PDE4D: variants seen among roughly 807,000 people sequenced by gnomAD.
The protein encoded by PDE4D is phosphodiesterase 4D.
In PDE4D, 24 loss-of-function variants were observed where a neutral mutation model predicts 87.4. That is an observed-to-expected ratio of 0.27 (90% CI 0.20 to 0.39). PDE4D has a LOEUF of 0.39. Ranked by LOEUF, PDE4D falls within the 10% of genes least tolerant of loss-of-function variation. The pLI is 1.00. For missense variants in PDE4D, 714 were observed against 1,041.0 expected (o/e 0.69, Z 4.32); for synonymous variants, 384 against 383.2 (o/e 1.00, Z -0.02).
At chr5:59,313,279 T>G (rs577953467) in intron 1 of PDE4D, among the ~76,000 whole-genome samples, 4 of 152,290 alleles carry the variant, frequency 2.6e-5, no homozygotes, top group African/African-American at 9.6e-5. Flanking sequence ...CCTCTAAAGA[T>G]TCACATCCCC....
intron 2 of PDE4D, among the ~76,000 whole-genome samples, chr5:60,078,436 A>G (rs1414959428): frequency 6.6e-6 from 1 of 152,102 alleles, no homozygotes; most frequent in African/African-American, 2.4e-5. Context: ...TCTTGTAAAA[A>G]AAACGGGATA....
intron 1 of PDE4D, among the ~76,000 whole-genome samples, chr5:59,404,404 A>G (rs1352697518): frequency 6.6e-6 from 1 of 151,712 alleles, no homozygotes; most frequent in Non-Finnish European, 1.5e-5. Context: ...CACACCTGCA[A>G]TCCATGCACT....
At chr5:59,608,047 G>A (rs969686565) in intron 1 of PDE4D, among the ~76,000 whole-genome samples, 5 of 152,112 alleles carry the variant, frequency 3.3e-5, no homozygotes, top group South Asian at 4.1e-4. Flanking sequence ...GACGATGAGT[G>A]CATAAAAATT....
At chr5:59,199,767 T>G (rs1407885890) in intron 2 of PDE4D, among the ~76,000 whole-genome samples, 2 of 152,064 alleles carry the variant, frequency 1.3e-5, no homozygotes, top group Non-Finnish European at 2.9e-5. Context: ...TCTAGACCCA[T>G]CTTCATAGAA....
At position 60,297,468 on chromosome 5, in the gene PDE4D, A is replaced by G. The variant is rs1753509317; in HGVS notation, c.-89-111781T>C. Among the ~76,000 whole-genome samples the G allele has an allele frequency of 2.6e-5, 4 of 152,334 alleles. No individual in the cohort carries two copies. In the Middle Eastern group the frequency reaches 0.01, roughly 389 times the overall value. ...ATTTAAAGGGTTTGAAGAAATAAGC[A>G]TTTACATGGAATTCAATATATCGAG... On this transcript the variant is annotated intron_variant, in intron 1 of 16. Transcript: ENST00000502484.
intron 2 of PDE4D, among the ~76,000 whole-genome samples, chr5:59,200,302 T>A (rs1331718979): frequency 7.3e-6 from 1 of 137,034 alleles, no homozygotes; most frequent in Admixed American, 6.9e-5. Context: ...TACATATGTG[T>A]ATGTACAGCT....
At position 59,680,020 on chromosome 5, in the gene PDE4D, T is replaced by C. The variant is rs1253425379; in HGVS notation, c.455+213148A>G. On this transcript the variant is annotated intron_variant, in intron 1 of 14. Coordinates refer to ENST00000340635, the MANE Select transcript of PDE4D (RefSeq NM_001104631.2). Reference sequence around the variant, plus strand: ...TAACTCCAAGTACGAAATACACTTTTACATTTGTGTTTCTAACTTAGCTTT... The same window carrying C: ...TAACTCCAAGTACGAAATACACTTTCACATTTGTGTTTCTAACTTAGCTTT... Among the ~76,000 whole-genome samples the C allele has an allele frequency of 5.3e-5, 8 of 152,278 alleles. No homozygotes were observed. The East Asian group carries it at 1.3e-3, about 26-fold the overall frequency.
chr5:60,230,060 G>T (rs1745617096), intron 1 of PDE4D, among the ~76,000 whole-genome samples: 1 of 152,052 alleles, frequency 6.6e-6, no homozygotes, highest in Admixed American at 6.6e-5. Flanking sequence ...CAAAAGAAAG[G>T]ACACATCAAA....
intron 1 of PDE4D, among the ~76,000 whole-genome samples, chr5:59,883,950 G>T (rs1749811188): frequency 6.6e-6 from 1 of 151,950 alleles, no homozygotes; most frequent in South Asian, 2.1e-4. Context: ...TAAGAAACAA[G>T]TGAAATACAA....
At chr5:60,331,976 G>A (rs1757339794) in intron 1 of PDE4D, among the ~76,000 whole-genome samples, 1 of 152,094 alleles carries the variant, frequency 6.6e-6, no homozygotes, top group Non-Finnish European at 1.5e-5. Context: ...AGGTCTTGAG[G>A]TGCTTGTTCA....
At chr5:59,701,832 G>A (rs1752617907) in intron 1 of PDE4D, among the ~76,000 whole-genome samples, 1 of 152,192 alleles carries the variant, frequency 6.6e-6, no homozygotes, top group African/African-American at 2.4e-5. Flanking sequence ...GTGAAAAACA[G>A]CTCAATTCCT....
intron 5 of PDE4D, among the ~76,000 whole-genome samples, chr5:59,081,267 T>C (rs1354717703): frequency 6.6e-6 from 1 of 152,104 alleles, no homozygotes; most frequent in African/African-American, 2.4e-5. Context: ...ACTACAAAAC[T>C]ATTAAGAGCA....
At chr5:60,483,857 A>G (rs1748922843) in intron 1 of PDE4D, among the ~76,000 whole-genome samples, 1 of 152,202 alleles carries the variant, frequency 6.6e-6, no homozygotes, top group African/African-American at 2.4e-5. Context: ...ATCTTTTAAA[A>G]AGGGTTCAAC....
At chr5:60,172,654 C>G (rs1783573317) in intron 2 of PDE4D, among the ~76,000 whole-genome samples, 2 of 152,106 alleles carry the variant, frequency 1.3e-5, no homozygotes, top group Non-Finnish European at 2.9e-5. Context: ...ACAGACAAAT[C>G]TTTAAAACTG....
chr5:59,010,782 G>A (rs1160324380), intron 6 of PDE4D, among the ~76,000 whole-genome samples: 4 of 152,096 alleles, frequency 2.6e-5, no homozygotes, highest in African/African-American at 9.7e-5. Context: ...ACTGAGCTTT[G>A]AAAAGAGTAG....
At chr5:59,508,185 A>C (rs1402268967) in intron 1 of PDE4D, among the ~76,000 whole-genome samples, 1 of 152,078 alleles carries the variant, frequency 6.6e-6, no homozygotes, top group African/African-American at 2.4e-5. Flanking sequence ...CAAGGGGCCT[A>C]AACAGAGAAA....
At chr5:60,478,321 T>C (rs1236997192) in intron 1 of PDE4D, among the ~76,000 whole-genome samples, 1 of 152,236 alleles carries the variant, frequency 6.6e-6, no homozygotes, top group Non-Finnish European at 1.5e-5. Context: ...GGGGTGATTT[T>C]TTTTACAAGT....
At chr5:59,959,983 CTT>C (rs1019139845) in intron 3 of PDE4D, among the ~76,000 whole-genome samples, 2 of 151,914 alleles carry the variant, frequency 1.3e-5, no homozygotes, top group African/African-American at 4.8e-5. Flanking sequence ...CCATAAGAAA[CTT>C]ATACAAATCA....
chr5:60,130,634 G>A (rs1779482551), intron 2 of PDE4D, among the ~76,000 whole-genome samples: 1 of 152,166 alleles, frequency 6.6e-6, no homozygotes, highest in South Asian at 2.1e-4. Context: ...AAAAGTAAAG[G>A]GTGATGACTT....
Sources: gnomAD v4.1 joint callset for allele counts (sites outside exome capture counted in the v4.1 genomes callset) on GRCh38, gnomAD v4.1.1 for gene constraint, MANE v1.5 for transcripts, NCBI Gene and HGNC (gene_info 2026-07-23, HGNC 2026-07-21) for gene names.